WASF1: variants seen among roughly 807,000 people sequenced by gnomAD.
The protein encoded by WASF1 is actin-binding protein WASF1.
Under a neutral mutation model 50.5 loss-of-function variants are expected in WASF1, and 7 were observed. The ratio of observed to expected loss-of-function variants is 0.14; its 90% confidence interval spans 0.08 to 0.26. WASF1 has a LOEUF of 0.26. Ranked by LOEUF, WASF1 falls within the 10% of genes least tolerant of loss-of-function variation. WASF1 has a pLI of 1.00. For synonymous variants in WASF1, 205 were observed against 244.0 expected (o/e 0.84, Z 1.49); for missense variants, 470 against 694.7 (o/e 0.68, Z 3.64).
At chr6:110,136,293 C>T (rs900635862) in intron 3 of WASF1, among the ~76,000 whole-genome samples, 5 of 152,086 alleles carry the variant, frequency 3.3e-5, no homozygotes, top group African/African-American at 1.2e-4. Context: ...TCACTTCATC[C>T]TTTTAAAATG....
Position 110,100,481 on chromosome 6 carries a change from C to A in WASF1, c.*41G>T, listed in dbSNP as rs756789313. The A allele has an allele frequency of 1.3e-6, 2 of 1,562,750 alleles. No individual in the cohort carries two copies. Among genetic ancestry groups the A allele is most frequent in the Non-Finnish European group, 1.7e-6 (2 of 1,148,802 alleles). On this transcript the variant is annotated 3_prime_UTR_variant, in exon 11 of 11. Coordinates refer to ENST00000392589, the MANE Select transcript of WASF1 (RefSeq NM_003931.3). ...TTCAAGGAACAAGCACCACAAAGGA[C>A]ATTTGCATTCAGTTTTGTAATATTT...
chr6:110,123,787 G>C (rs907943040), intron 4 of WASF1, among the ~76,000 whole-genome samples: 1 of 152,170 alleles, frequency 6.6e-6, no homozygotes, highest in African/African-American at 2.4e-5. Context: ...GGAAGAAAAA[G>C]CAGGTATAAA....
intron 4 of WASF1, among the ~76,000 whole-genome samples, chr6:110,117,726 T>C (rs1280492705): frequency 1.3e-5 from 2 of 150,684 alleles, no homozygotes; most frequent in African/African-American, 4.9e-5. Flanking sequence ...TTCACCAAGG[T>C]TGAAATGAAG....
intron 4 of WASF1, among the ~76,000 whole-genome samples, chr6:110,116,614 C>A (rs1238737519): frequency 6.6e-6 from 1 of 152,210 alleles, no homozygotes; most frequent in Non-Finnish European, 1.5e-5. Flanking sequence ...GAACAAAAAG[C>A]AGCAGACAGC....
intron 10 of WASF1, 61 bp from the exon 11 acceptor site, chr6:110,100,740 A>T: frequency 1.4e-6 from 2 of 1,393,596 alleles, no homozygotes; most frequent in East Asian, 2.7e-5. Context: ...GATATTATTA[A>T]TATTTCTGGA....
chr6:110,103,654 T>C (rs1773192595), intron 8 of WASF1, 97 bp from the exon 9 acceptor site: 1 of 1,104,644 alleles, frequency 9.1e-7, no homozygotes, highest in Non-Finnish European at 1.2e-6. Flanking sequence ...ATCCTTTCAA[T>C]GCCAATATTT....
At chr6:110,178,205 G>A (rs1777016940) in intron 2 of WASF1, among the ~76,000 whole-genome samples, 2 of 152,074 alleles carry the variant, frequency 1.3e-5, no homozygotes, top group South Asian at 4.2e-4. Context: ...TTCTGCTACC[G>A]AAAAACAAAT....
intron 2 of WASF1, among the ~76,000 whole-genome samples, chr6:110,177,880 A>G (rs1171525079): frequency 6.6e-6 from 1 of 152,096 alleles, no homozygotes; most frequent in Non-Finnish European, 1.5e-5. Context: ...TTTATTTTTA[A>G]ATAATGAGAT....
intron 10 of WASF1, among the ~76,000 whole-genome samples, chr6:110,101,061 G>A (rs1400272353): frequency 6.6e-6 from 1 of 152,118 alleles, no homozygotes; most frequent in Non-Finnish European, 1.5e-5. Context: ...TGAGGGAAAG[G>A]CACTATTATT....
intron 3 of WASF1, among the ~76,000 whole-genome samples, chr6:110,137,848 C>T (rs958383764): frequency 1.3e-5 from 2 of 152,208 alleles, no homozygotes; most frequent in Admixed American, 1.3e-4. Flanking sequence ...ACTCATAAAC[C>T]AGACTTCTAT....
intron 3 of WASF1, among the ~76,000 whole-genome samples, chr6:110,129,022 T>A (rs1774542389): frequency 6.6e-6 from 1 of 151,962 alleles, no homozygotes; most frequent in Admixed American, 6.6e-5. Context: ...AAGACTGTCT[T>A]CCACGAAACT....
In WASF1 at chr6:110,143,873, T is replaced by C. The variant is rs553938438; in HGVS notation, c.-28-16244A>G. Among the ~76,000 whole-genome samples, 93 of 152,344 alleles carry C rather than the reference T, an allele frequency of 6.1e-4. 1 individual carries two copies. Among genetic ancestry groups the C allele is most frequent in the African/African-American group, 2.1e-3 (87 of 41,590 alleles). On this transcript the variant is annotated intron_variant, in intron 3 of 10. Coordinates refer to ENST00000392589, the MANE Select transcript of WASF1 (RefSeq NM_003931.3). Reference sequence around the variant, plus strand: ...AAATATAATTTTCATTGTTGGACATTTGGGTTGGTTCCAAGTCTTTGCTAT... The same window carrying C: ...AAATATAATTTTCATTGTTGGACATCTGGGTTGGTTCCAAGTCTTTGCTAT...
At chr6:110,142,454 GATTTCT>G in intron 3 of WASF1, among the ~76,000 whole-genome samples, 1 of 152,138 alleles carries the variant, frequency 6.6e-6, no homozygotes, top group African/African-American at 2.4e-5. Context: ...ATTCCTTGGT[GATTTCT>G]AATGTCATTT....
At chr6:110,144,618 T>A (rs983712582) in intron 3 of WASF1, among the ~76,000 whole-genome samples, 1 of 152,228 alleles carries the variant, frequency 6.6e-6, no homozygotes, top group Non-Finnish European at 1.5e-5. Context: ...AAGTCTTTAA[T>A]CCATCTTGAA....
intron 4 of WASF1, among the ~76,000 whole-genome samples, chr6:110,123,661 G>A (rs915192603): frequency 6.6e-6 from 1 of 152,100 alleles, no homozygotes; most frequent in African/African-American, 2.4e-5. Context: ...CTTAATATAA[G>A]GTAAGAGCAA....
intron 3 of WASF1, among the ~76,000 whole-genome samples, chr6:110,154,017 T>C (rs1775942246): frequency 6.6e-6 from 1 of 152,056 alleles, no homozygotes; most frequent in African/African-American, 2.4e-5. Flanking sequence ...AGTGAAAAAT[T>C]AGAGGGATTT....
At chr6:110,135,876 C>CTTTTTTTTT (rs778710982) in intron 3 of WASF1, among the ~76,000 whole-genome samples, 5 of 68,326 alleles carry the variant, frequency 7.3e-5, no homozygotes, top group Non-Finnish European at 1.1e-4. Context: ...AGTCCATTAT[C>CTTTTTTTTT]TTTTTTTTTT....
intron 3 of WASF1, among the ~76,000 whole-genome samples, chr6:110,148,260 C>A (rs578209607): frequency 1.3e-5 from 2 of 151,884 alleles, no homozygotes; most frequent in Non-Finnish European, 2.9e-5. Flanking sequence ...TCTAACCAAC[C>A]ATTTACTGAA....
intron 3 of WASF1, among the ~76,000 whole-genome samples, chr6:110,137,873 A>C (rs1174999709): frequency 6.6e-6 from 1 of 152,254 alleles, no homozygotes; most frequent in African/African-American, 2.4e-5. Flanking sequence ...AAGAAGTTGC[A>C]ATCCTATTAA....
Sources: gnomAD v4.1 joint callset for allele counts (sites outside exome capture counted in the v4.1 genomes callset) on GRCh38, gnomAD v4.1.1 for gene constraint, MANE v1.5 for transcripts, NCBI Gene and HGNC (gene_info 2026-07-23, HGNC 2026-07-21) for gene names.